The following STYXL2 variants were observed in gnomAD, a reference collection of about 807,000 sequenced individuals.
STYXL2 encodes serine/threonine/tyrosine-interacting-like protein 2.
In STYXL2, 44 loss-of-function variants were observed where a neutral mutation model predicts 52.4. The ratio of observed to expected loss-of-function variants is 0.84; its 90% confidence interval spans 0.66 to 1.08. The LOEUF is 1.08. Among genes scored for constraint, STYXL2 ranks in the 50% least tolerant of loss-of-function variants. The pLI, the probability that STYXL2 is intolerant of heterozygous loss-of-function variation, is 0.00. For missense variants in STYXL2, 1,604 were observed against 1,471.7 expected (o/e 1.09, Z -1.47); for synonymous variants, 604 against 586.9 (o/e 1.03, Z -0.42).
chr1:167,122,517 C>A (rs1449450818), intron 5 of STYXL2, among the ~76,000 whole-genome samples: 1 of 151,944 alleles, frequency 6.6e-6, no homozygotes, highest in Non-Finnish European at 1.5e-5. Flanking sequence ...GAGGGGGATA[C>A]CTTCTGAAGA....
chr1:167,094,935 A>G lies in STYXL2; in HGVS notation c.86A>G (p.Tyr29Cys). The G allele has an allele frequency of 6.2e-7, 1 of 1,605,840 alleles. No individual in the cohort carries two copies. ...AACGTGAGGGCGGTGCAGGCCCACT[A>G]CCTCCGAAGCCCCTCCCCTAGCCAG... ...EANVRAVQAHYLRSPSPSQYS... is the reference protein window; with the variant it reads ...EANVRAVQAHCLRSPSPSQYS... The change falls in exon 2 of 6, where the codon TAC becomes TGC. Residue 29 changes from tyrosine (Y) to cysteine (C), a missense_variant. Coordinates refer to ENST00000361200, the MANE Select transcript of STYXL2 (RefSeq NM_001080426.3).
intron 5 of STYXL2, among the ~76,000 whole-genome samples, chr1:167,125,560 A>G (rs924087413): frequency 6.6e-6 from 1 of 152,154 alleles, no homozygotes; most frequent in African/African-American, 2.4e-5. Flanking sequence ...AATGCACTCC[A>G]GTGTTTCAAA....
chr1:167,113,825 G>T, intron 3 of STYXL2, 21 bp downstream of exon 3: 1 of 1,596,144 alleles, frequency 6.3e-7, no homozygotes, highest in East Asian at 2.2e-5. Context: ...CAAAAGCTGG[G>T]TGGAAGCAAA....
intron 2 of STYXL2, among the ~76,000 whole-genome samples, chr1:167,097,406 C>G (rs1358880955): frequency 6.6e-6 from 1 of 152,164 alleles, no homozygotes; most frequent in Non-Finnish European, 1.5e-5. Flanking sequence ...AAAGTTCTTT[C>G]CTAGATATAG....
rs1331752774 is a variant in STYXL2 at position 167,127,766 on chromosome 1, G to A, written c.2635G>A (p.Asp879Asn). 1 of 1,613,894 alleles carries A rather than the reference G, an allele frequency of 6.2e-7. No homozygotes were observed. The change falls in exon 6 of 6, where the codon GAT becomes AAT. Residue 879 changes from aspartate (D) to asparagine (N), a missense_variant. Coordinates refer to ENST00000361200, the MANE Select transcript of STYXL2 (RefSeq NM_001080426.3). The part of the protein sequence containing the change: ...FKKKKVKEDE[D>N]DGVGDGDEDT... ...GAAGAAGAAGGTCAAGGAAGATGAG[G>A]ATGATGGTGTGGGTGATGGGGATGA...
At position 167,124,191 on chromosome 1, in the gene STYXL2, T is replaced by A. The variant is rs529850758; in HGVS notation, c.656-1596T>A. 1.1e-4 allele frequency among the ~76,000 whole-genome samples: 16 copies of A among 152,310 alleles called. No individual in the cohort carries two copies. The South Asian group carries it at 3.3e-3, about 32-fold the overall frequency. On this transcript the variant is annotated intron_variant, in intron 5 of 5. Coordinates refer to ENST00000361200, the MANE Select transcript of STYXL2 (RefSeq NM_001080426.3). ...TCCCAAAGTGCTGGGATTACAGGTA[T>A]GAGCCACCACACCCTGGCCTGTGGC...
At chr1:167,095,996 C>T (rs1016597789) in intron 2 of STYXL2, among the ~76,000 whole-genome samples, 4 of 152,064 alleles carry the variant, frequency 2.6e-5, no homozygotes, top group African/African-American at 4.8e-5. Context: ...GAGACTTCTC[C>T]TTTAAAATTC....
At chr1:167,119,771 G>A (rs1667812171) in intron 5 of STYXL2, among the ~76,000 whole-genome samples, 1 of 152,208 alleles carries the variant, frequency 6.6e-6, no homozygotes, top group African/African-American at 2.4e-5. Flanking sequence ...ATGTCAGATG[G>A]TGATAAGTGT....
chr1:167,113,637 G>T (rs1667661017), intron 2 of STYXL2, 73 bp from the exon 3 acceptor site: 2 of 1,181,038 alleles, frequency 1.7e-6, no homozygotes, highest in Non-Finnish European at 2.5e-6. Context: ...TCAAAGCCAG[G>T]TTTCTCATCT....
chr1:167,107,672 A>G (rs995276232), intron 2 of STYXL2, among the ~76,000 whole-genome samples: 2 of 152,238 alleles, frequency 1.3e-5, no homozygotes, highest in Non-Finnish European at 2.9e-5. Flanking sequence ...TATCTATGAA[A>G]CATTTACTGT....
rs552108094 is a variant in STYXL2, at chr1:167,119,177, G to A, written c.438-72G>A. 75 of 1,452,920 alleles carry A rather than the reference G, an allele frequency of 5.2e-5. No homozygotes were observed. The Middle Eastern group carries it at 8.3e-4, about 16-fold the overall frequency. 90.0% of individuals were successfully genotyped at this position (1,452,920 alleles called of 1,614,324 possible). On this transcript the variant is annotated intron_variant, in intron 4 of 5. Coordinates refer to ENST00000361200, the MANE Select transcript of STYXL2 (RefSeq NM_001080426.3). ...TGTGGCCCTAGACTGGCTGAGGCAG[G>A]CTCACCGTCACAGTGGTGACACACC...
At chr1:167,107,289 C>A (rs949203074) in intron 2 of STYXL2, among the ~76,000 whole-genome samples, 1 of 152,190 alleles carries the variant, frequency 6.6e-6, no homozygotes, top group African/African-American at 2.4e-5. Flanking sequence ...ATCACTTCCA[C>A]CATGTTGTAT....
In STYXL2 at chr1:167,125,917, C is replaced by A; in HGVS notation, c.786C>A (p.Tyr262Ter). The A allele has an allele frequency of 2.5e-6, 4 of 1,614,092 alleles. No individual in the cohort carries two copies. Among genetic ancestry groups the A allele is most frequent in the Non-Finnish European group, 1.7e-6 (2 of 1,180,012 alleles). ...LMTVRKKRAIYPNEGFLKQLR... is the reference protein window; with the variant it reads ...LMTVRKKRAI The stretch of plus-strand genomic sequence containing the variant: ...CCGTGCGTAAGAAGCGGGCCATCTA[C>A]CCCAATGAGGGCTTCCTGAAGCAGC... The change falls in exon 6 of 6, where the codon TAC becomes TAA. Residue 262 changes from tyrosine to a stop codon, truncating the protein, a stop_gained. Coordinates refer to ENST00000361200, the MANE Select transcript of STYXL2 (RefSeq NM_001080426.3). LOFTEE classifies it low-confidence loss of function (END_TRUNC).
intron 3 of STYXL2, 25 bp from the exon 4 acceptor site, chr1:167,117,303 T>G: frequency 2.3e-4 from 367 of 1,570,458 alleles, no homozygotes; most frequent in Non-Finnish European, 2.9e-4. Flanking sequence ...AACTCTCTGA[T>G]GAGAATGCTG....
intron 2 of STYXL2, among the ~76,000 whole-genome samples, chr1:167,097,284 T>C (rs16858437): frequency 0.32 from 48,397 of 152,144 alleles, 8,059 homozygotes; most frequent in African/African-American, 0.4. Context: ...GTTTATGCCA[T>C]GCAAAAGCTT....
intron 2 of STYXL2, among the ~76,000 whole-genome samples, chr1:167,100,954 G>T (rs1171050239): frequency 2.6e-5 from 4 of 152,100 alleles, no homozygotes; most frequent in African/African-American, 9.7e-5. Flanking sequence ...TCATCCAATC[G>T]ATCCCACTTT....
intron 2 of STYXL2, among the ~76,000 whole-genome samples, chr1:167,096,270 A>C (rs1451597565): frequency 6.6e-6 from 1 of 152,102 alleles, no homozygotes; most frequent in Non-Finnish European, 1.5e-5. Flanking sequence ...AAAAAAAGAA[A>C]AGAAAATTCA....
intron 1 of STYXL2, among the ~76,000 whole-genome samples, 151 bp from the exon 2 acceptor site, chr1:167,094,683 A>C (rs546818554): frequency 6.6e-6 from 1 of 152,238 alleles, no homozygotes; most frequent in Non-Finnish European, 1.5e-5. Flanking sequence ...TGGCTGGGCC[A>C]GGTCTGACTG....
At chr1:167,102,300 T>A (rs201764851) in intron 2 of STYXL2, among the ~76,000 whole-genome samples, 16 of 113,562 alleles carry the variant, frequency 1.4e-4, no homozygotes, top group Non-Finnish European at 2.2e-4. Flanking sequence ...AGCTGTTTTT[T>A]AAAAATATAT....
Sources: gnomAD v4.1 joint callset for allele counts (sites outside exome capture counted in the v4.1 genomes callset) on GRCh38, gnomAD v4.1.1 for gene constraint, MANE v1.5 for transcripts, NCBI Gene and HGNC (gene_info 2026-07-23, HGNC 2026-07-21) for gene names.